The following MLLT10 variants were observed in gnomAD, a reference collection of about 807,000 sequenced individuals.
MLLT10 encodes the protein protein AF-10.
Under a neutral mutation model 129.1 loss-of-function variants are expected in MLLT10, and 30 were observed. That is an observed-to-expected ratio of 0.23 (90% CI 0.17 to 0.32). MLLT10 has a LOEUF of 0.32. Among genes scored for constraint, MLLT10 ranks in the 10% least tolerant of loss-of-function variants. MLLT10 has a pLI of 1.00. For synonymous variants in MLLT10, 490 were observed against 446.4 expected (o/e 1.10, Z -1.23); for missense variants, 1,119 against 1,268.3 (o/e 0.88, Z 1.79).
intron 17 of MLLT10, among the ~76,000 whole-genome samples, chr10:21,731,807 C>T (rs533801195): frequency 6.6e-6 from 1 of 152,108 alleles, no homozygotes; most frequent in East Asian, 1.9e-4. Context: ...GTGGCCTTGT[C>T]TTAATTTTAG....
intron 22 of MLLT10, among the ~76,000 whole-genome samples, chr10:21,740,777 A>G (rs2058761903): frequency 6.6e-6 from 1 of 152,238 alleles, no homozygotes; most frequent in Admixed American, 6.5e-5. Flanking sequence ...TGAAAGTTAA[A>G]TTAAAAATGG....
At chr10:21,673,202 C>T (rs952754572) in intron 10 of MLLT10, 148 bp from the exon 11 acceptor site, 4 of 462,358 alleles carry the variant, frequency 8.7e-6, no homozygotes, top group African/African-American at 2.0e-5. Context: ...TCTTAATATA[C>T]GAATGTCCTA....
intron 5 of MLLT10, among the ~76,000 whole-genome samples, chr10:21,598,610 G>A (rs930508070): frequency 1.8e-4 from 28 of 152,154 alleles, no homozygotes; most frequent in African/African-American, 6.0e-4. Flanking sequence ...TGGGCCAGGC[G>A]CGATGGCTTA....
chr10:21,552,041 C>T (rs1588882853), intron 3 of MLLT10: 1 of 229,796 alleles, frequency 4.4e-6, no homozygotes, highest in South Asian at 4.7e-5. Flanking sequence ...ATCCTCCCAC[C>T]TCAACCTCTC....
chr10:21,554,162 C>T (rs138204671), intron 3 of MLLT10, among the ~76,000 whole-genome samples: 1 of 152,138 alleles, frequency 6.6e-6, no homozygotes, highest in East Asian at 1.9e-4. Flanking sequence ...TGATAATTTC[C>T]TCAGTTCTGC....
chr10:21,739,001 C>T (rs1335572189), intron 21 of MLLT10, among the ~76,000 whole-genome samples: 1 of 152,162 alleles, frequency 6.6e-6, no homozygotes, highest in Non-Finnish European at 1.5e-5. Flanking sequence ...AAAGACATTT[C>T]AAACATAACG....
At chr10:21,732,413 C>T (rs1180578674) in intron 17 of MLLT10, among the ~76,000 whole-genome samples, 1 of 152,158 alleles carries the variant, frequency 6.6e-6, no homozygotes, top group African/African-American at 2.4e-5. Context: ...GGATTAGGGG[C>T]TTCCTGCCAG....
intron 9 of MLLT10, among the ~76,000 whole-genome samples, chr10:21,660,243 C>A (rs2050032769): frequency 6.6e-6 from 1 of 151,502 alleles, no homozygotes; most frequent in South Asian, 2.1e-4. Flanking sequence ...GCTGGGATTA[C>A]AGGCGTGAGC....
chr10:21,696,476 C>T (rs1034716370), intron 13 of MLLT10, among the ~76,000 whole-genome samples: 5 of 152,184 alleles, frequency 3.3e-5, no homozygotes, highest in African/African-American at 7.2e-5. Flanking sequence ...GTGGCCTCTA[C>T]AACTACTCCA....
intron 11 of MLLT10, among the ~76,000 whole-genome samples, chr10:21,680,641 T>C (rs1052535122): frequency 2.0e-5 from 3 of 152,074 alleles, no homozygotes; most frequent in African/African-American, 7.2e-5. Flanking sequence ...CATGTGAAAA[T>C]AGTATTCAAA....
At chr10:21,737,644 AG>A (rs1229185311) in intron 21 of MLLT10, among the ~76,000 whole-genome samples, 1 of 152,002 alleles carries the variant, frequency 6.6e-6, no homozygotes, top group African/African-American at 2.4e-5. Context: ...ATAAGAGGGG[AG>A]ATGGGAAATA....
At chr10:21,667,748 A>G (rs1013280747) in intron 9 of MLLT10, among the ~76,000 whole-genome samples, 2 of 152,158 alleles carry the variant, frequency 1.3e-5, no homozygotes, top group African/African-American at 2.4e-5. Context: ...ATCTGAGGCA[A>G]CCATACCTTT....
At chr10:21,603,820 TTTTTTTG>T (rs1253664275) in intron 5 of MLLT10, among the ~76,000 whole-genome samples, 1 of 138,068 alleles carries the variant, frequency 7.2e-6, no homozygotes, top group Non-Finnish European at 1.7e-5. Context: ...ACAGTTTTTG[TTTTTTTG>T]TTTTTTTTTT....
At chr10:21,730,778 C>G in intron 16 of MLLT10, 122 bp from the exon 17 acceptor site, 1 of 927,086 alleles carries the variant, frequency 1.1e-6, no homozygotes, top group Non-Finnish European at 1.7e-6. Flanking sequence ...CCTGATACTT[C>G]TGGCATAGGC....
chr10:21,732,268 C>G (rs971672682), intron 17 of MLLT10, among the ~76,000 whole-genome samples: 2 of 152,154 alleles, frequency 1.3e-5, no homozygotes, highest in African/African-American at 4.8e-5. Context: ...AATTGAAGTA[C>G]TTGAGGTGAT....
At chr10:21,725,623 CTGAGGCAGAATTGCT>C (rs1383288348) in intron 14 of MLLT10, among the ~76,000 whole-genome samples, 5 of 146,528 alleles carry the variant, frequency 3.4e-5, no homozygotes, top group Non-Finnish European at 5.9e-5. Flanking sequence ...ACTGGGAAGT[CTGAGGCAGAATTGCT>C]TGAACCCTAG....
chr10:21,629,101 T>G (rs1340171947), intron 8 of MLLT10, among the ~76,000 whole-genome samples: 1 of 143,228 alleles, frequency 7.0e-6, no homozygotes, highest in Non-Finnish European at 1.5e-5. Flanking sequence ...GGTGGCTGCC[T>G]TTTTTTTTTT....
At chr10:21,587,271 T>G (rs2042075609) in intron 4 of MLLT10, among the ~76,000 whole-genome samples, 1 of 151,530 alleles carries the variant, frequency 6.6e-6, no homozygotes. Context: ...ATAAAAAGAC[T>G]GAGTTACACA....
At position 21,733,541 on chromosome 10, in the gene MLLT10, T is replaced by C; in HGVS notation, c.2445T>C (p.Pro815=). ...TTDSLNSSKS[P]HIGNSFLPDN... The stretch of plus-strand genomic sequence containing the variant: ...ATTCCTTGAACAGCAGTAAGAGCCC[T>C]CATATAGGAAACAGCTTTTTACCTG... Residue 815 remains proline, a synonymous_variant, in exon 19 of 23, where the codon CCT becomes CCC. Transcript: ENST00000307729. 1 of 1,575,278 alleles carries C rather than the reference T, an allele frequency of 6.3e-7. No homozygotes were observed. The highest frequency in any genetic ancestry group is 8.6e-7 in the Non-Finnish European group (1 of 1,165,810).
Sources: allele counts gnomAD v4.1 joint callset (sites outside exome capture counted in the v4.1 genomes callset), GRCh38; gene constraint gnomAD v4.1.1; transcripts MANE v1.5; gene names NCBI Gene and HGNC (gene_info 2026-07-23, HGNC 2026-07-21).